Variants in CPA4 observed in about 807,000 individuals in gnomAD.
The protein encoded by CPA4 is carboxypeptidase A3.
In CPA4, 49 loss-of-function variants were observed where a neutral mutation model predicts 54.7. The observed-to-expected ratio is 0.90, with a 90% CI of 0.71 to 1.14. CPA4 has a LOEUF of 1.14. Among genes scored for constraint, CPA4 ranks in the 50% most tolerant of loss-of-function variants. The pLI is 0.00. For synonymous variants in CPA4, 215 were observed against 206.8 expected, an observed-to-expected ratio of 1.04 and a Z score of -0.34; for missense variants, 487 against 525.1, an observed-to-expected ratio of 0.93 and a Z score of 0.71.
Position 130,305,866 on chromosome 7 carries a change from C to T in CPA4, c.537C>T (p.Gly179=), listed in dbSNP as rs1411728658. 1.9e-6 allele frequency: 3 copies of T among 1,614,210 alleles called. No homozygotes were observed. Among genetic ancestry groups the T allele is most frequent in the Admixed American group, 1.7e-5 (1 of 60,030 alleles). Residue 179 remains glycine (G), a synonymous_variant, in exon 6 of 11, where the codon GGC becomes GGT. Transcript: ENST00000222482. The part of the protein sequence containing the change: ...VRRPAVWLNA[G]IHSREWISQA... ...GGCCGGCCGTTTGGCTGAATGCAGG[C>T]ATCCATTCCCGAGAGTGGATCTCCC...
At chr7:130,315,774 C>T (rs563224945) in intron 10 of CPA4, among the ~76,000 whole-genome samples, 28 of 152,052 alleles carry the variant, frequency 1.8e-4, no homozygotes, top group Admixed American at 1.4e-3. Flanking sequence ...TCCCCTGGCT[C>T]GAAAGGTTGG....
At chr7:130,315,659 C>G (rs971131379) in intron 10 of CPA4, among the ~76,000 whole-genome samples, 1 of 152,058 alleles carries the variant, frequency 6.6e-6, no homozygotes, top group Non-Finnish European at 1.5e-5. Flanking sequence ...ATGGAAAAAG[C>G]CTCCACCCAT....
chr7:130,311,775 C>A (rs1793918255), intron 9 of CPA4, among the ~76,000 whole-genome samples: 1 of 152,060 alleles, frequency 6.6e-6, no homozygotes, highest in African/African-American at 2.4e-5. Context: ...GTACATAATG[C>A]ACAGGCTTCC....
At position 130,323,264 on chromosome 7, in the gene CPA4, G is replaced by A. The variant is rs1290492156; in HGVS notation, c.*588G>A. ...GACAGAGTTTTGCTCTTGTTGCCCAGGCTGGAGTGTGATGGCTCGATCTTG... is the reference window on the plus strand; with the variant it reads ...GACAGAGTTTTGCTCTTGTTGCCCAAGCTGGAGTGTGATGGCTCGATCTTG... On this transcript the variant is annotated 3_prime_UTR_variant, in exon 11 of 11. Transcript: ENST00000222482. The A allele has an allele frequency of 6.6e-6, 1 of 151,768 alleles. No homozygotes were observed. The highest frequency in any genetic ancestry group is 1.9e-4 in the East Asian group (1 of 5,188). 9.4% of individuals were successfully genotyped at this position (151,768 alleles called of 1,614,324 possible). A position where few individuals can be genotyped will look rare whatever the true frequency, so the allele number is the denominator to read the frequency against.
At chr7:130,311,025 C>CAGGAGGG in intron 9 of CPA4, 39 bp downstream of exon 9, 2 of 1,543,364 alleles carry the variant, frequency 1.3e-6, no homozygotes, top group Non-Finnish European at 1.8e-6. Context: ...TGGGGCCCGC[C>CAGGAGGG]TGACCCTCCT....
Position 130,310,876 on chromosome 7 carries a change from A to T in CPA4, c.883A>T (p.Ile295Phe). 1.2e-6 allele frequency: 2 copies of T among 1,614,210 alleles called. No individual in the cohort carries two copies. The highest frequency in any genetic ancestry group is 1.7e-6 in the Non-Finnish European group (2 of 1,180,008). Residue 295 changes from isoleucine (I) to phenylalanine (F), a missense_variant, in exon 9 of 11, where the codon ATC (isoleucine) becomes TTC (phenylalanine). Transcript: ENST00000222482. This position sits in a 1 kb window ranked among gnomAD's most constrained non-coding sequence, Gnocchi z 4.3. ...GGAGGTGAAATCAGTGGTAGATTTC[A>T]TCCAAAAACATGGGAATTTCAAGGG... is the stretch of plus-strand genomic sequence containing the variant. Reference protein sequence around the residue: ...EVEVKSVVDFIQKHGNFKGFI... With the variant: ...EVEVKSVVDFFQKHGNFKGFI...
chr7:130,301,666 G>T (rs1793740044), intron 4 of CPA4, among the ~76,000 whole-genome samples: 1 of 152,146 alleles, frequency 6.6e-6, no homozygotes, highest in Non-Finnish European at 1.5e-5. Context: ...ACATGGTGTT[G>T]TTGGCATGCA....
chr7:130,299,569 C>T (rs1054660397), intron 3 of CPA4, 165 bp downstream of exon 3: 7 of 625,304 alleles, frequency 1.1e-5, no homozygotes, highest in African/African-American at 9.2e-5. Flanking sequence ...AGAGGAACAA[C>T]ATTTTGTAGT....
intron 4 of CPA4, 132 bp downstream of exon 4, chr7:130,301,046 C>A: frequency 1.6e-6 from 1 of 633,672 alleles, no homozygotes; most frequent in Non-Finnish European, 2.9e-6. Flanking sequence ...GTGTACACTT[C>A]AATTCCTTTC....
At chr7:130,317,018 C>A (rs967862845) in intron 10 of CPA4, among the ~76,000 whole-genome samples, 2 of 151,516 alleles carry the variant, frequency 1.3e-5, no homozygotes, top group Non-Finnish European at 2.9e-5. Flanking sequence ...GGCTTGCATG[C>A]GAGAGGATGG....
chr7:130,298,413 C>T (rs577460928), intron 1 of CPA4, among the ~76,000 whole-genome samples: 29 of 152,324 alleles, frequency 1.9e-4, no homozygotes, highest in South Asian at 6.2e-4. Flanking sequence ...CATAATCCCA[C>T]GACCCGAACA....
At chr7:130,306,036 G>T in intron 6 of CPA4, 116 bp downstream of exon 6, 3 of 789,438 alleles carry the variant, frequency 3.8e-6, no homozygotes, top group Admixed American at 4.4e-5. Flanking sequence ...GACCCAGTCG[G>T]CTGGGGGGCC....
chr7:130,300,123 C>A (rs958397247), intron 3 of CPA4, among the ~76,000 whole-genome samples: 2 of 152,180 alleles, frequency 1.3e-5, no homozygotes, highest in Non-Finnish European at 2.9e-5. Context: ...TCACAGACAT[C>A]TGCCAGGAAC....
chr7:130,320,091 T>C (rs940189952), intron 10 of CPA4, among the ~76,000 whole-genome samples: 2 of 152,152 alleles, frequency 1.3e-5, no homozygotes, highest in Non-Finnish European at 2.9e-5. Flanking sequence ...GTCTAAAATG[T>C]CCACCTAGAG....
In CPA4 at chr7:130,322,841, C is replaced by T. The variant is rs1005876447; in HGVS notation, c.*165C>T. ...AGCTCCCTGGAGTCGTGTGTCCTGG[C>T]AGTGTCCCTGCAAGAACTGGTTCTG... On this transcript the variant is annotated 3_prime_UTR_variant, in exon 11 of 11. Transcript: ENST00000222482. 5.9e-5 allele frequency: 37 copies of T among 629,392 alleles called. No homozygotes were observed. Among genetic ancestry groups the T allele is most frequent in the Admixed American group, 1.3e-4 (4 of 29,734 alleles). 39.0% of individuals were successfully genotyped at this position (629,392 alleles called of 1,614,324 possible).
At chr7:130,312,568 G>A (rs1486554053) in intron 10 of CPA4, among the ~76,000 whole-genome samples, 2 of 152,158 alleles carry the variant, frequency 1.3e-5, no homozygotes, top group Admixed American at 6.5e-5. Flanking sequence ...GGTCTTTCCT[G>A]TGCTGTTCTC....
At chr7:130,302,527 G>A (rs6956142) in intron 4 of CPA4, among the ~76,000 whole-genome samples, 62,499 of 150,718 alleles carry the variant, frequency 0.41, 12,944 homozygotes, top group Non-Finnish European at 0.43. Flanking sequence ...ATTGGCTCAC[G>A]CAACCACTTA....
chr7:130,310,881 A>G lies in CPA4; in HGVS notation c.888A>G (p.Gln296=). The change falls in exon 9 of 11, where the codon CAA becomes CAG. Residue 296 remains glutamine, a synonymous_variant. Transcript: ENST00000222482. The surrounding 1 kb of genome is among the most constrained non-coding windows in gnomAD (Gnocchi z 4.3). ...TGAAATCAGTGGTAGATTTCATCCA[A>G]AAACATGGGAATTTCAAGGGCTTCA... ...VEVKSVVDFI[Q]KHGNFKGFID... 6.2e-7 allele frequency: 1 copy of G among 1,614,148 alleles called. No homozygotes were observed. The highest frequency in any genetic ancestry group is 8.5e-7 in the Non-Finnish European group (1 of 1,180,002).
chr7:130,304,967 T>C (rs140885493), intron 5 of CPA4, among the ~76,000 whole-genome samples: 1,659 of 152,336 alleles, frequency 0.011, 19 homozygotes, highest in Non-Finnish European at 0.013. Flanking sequence ...GAAGTGAATT[T>C]GAGGGTTGGT....
Sources: allele counts gnomAD v4.1 joint callset (sites outside exome capture counted in the v4.1 genomes callset), GRCh38; gene constraint gnomAD v4.1.1; non-coding constraint Gnocchi (gnomAD v3.1); transcripts MANE v1.5; gene names NCBI Gene and HGNC (gene_info 2026-07-23, HGNC 2026-07-21).